The following LRRC57 variants were observed in gnomAD, a reference collection of about 807,000 sequenced individuals.
The protein encoded by LRRC57 is leucine-rich repeat-containing protein 57.
Under a neutral mutation model 23.1 loss-of-function variants are expected in LRRC57, and 14 were observed. That is an observed-to-expected ratio of 0.61 (90% CI 0.40 to 0.95). LRRC57 has a LOEUF of 0.95. LRRC57 is among the 40% of genes least tolerant of loss of function. LRRC57 has a pLI of 0.00. For missense variants in LRRC57, 236 were observed against 284.4 expected (o/e 0.83, Z 1.22); for synonymous variants, 106 against 115.2 (o/e 0.92, Z 0.51).
chr15:42,536,497 T>C (rs1400444735), downstream of LRRC57, among the ~76,000 whole-genome samples: 1 of 152,174 alleles, frequency 6.6e-6, no homozygotes, highest in Non-Finnish European at 1.5e-5. Context: ...AAAGACAACA[T>C]AGCCTCTCCC....
chr15:42,529,150 C>T, the LRRC57 span, among the ~76,000 whole-genome samples: 1 of 152,138 alleles, frequency 6.6e-6, no homozygotes, highest in African/African-American at 2.4e-5. Context: ...TTAAAGCAGG[C>T]ATAAACAATA....
chr15:42,530,368 G>A, the LRRC57 span, among the ~76,000 whole-genome samples: 1 of 152,196 alleles, frequency 6.6e-6, no homozygotes, highest in African/African-American at 2.4e-5. Flanking sequence ...TCATGTGAGT[G>A]AAAGAAAGTT....
chr15:42,547,173 G>T, intron 4 of LRRC57, 88 bp downstream of exon 4: 1 of 1,395,016 alleles, frequency 7.2e-7, no homozygotes, highest in Non-Finnish European at 9.7e-7. Context: ...CTCTATGATG[G>T]CAGTTTAGGA....
At chr15:42,547,066 T>C (rs1226858928) in intron 4 of LRRC57, among the ~76,000 whole-genome samples, 195 bp downstream of exon 4, 3 of 152,164 alleles carry the variant, frequency 2.0e-5, no homozygotes, top group Non-Finnish European at 4.4e-5. Flanking sequence ...CCTACACAAC[T>C]AACACATCCA....
chr15:42,528,522 T>G, the LRRC57 span: 2 of 1,131,872 alleles, frequency 1.8e-6, no homozygotes, highest in South Asian at 1.5e-5. Flanking sequence ...AAATAAAAAT[T>G]GTATTTATTC....
chr15:42,548,079 C>G, intron 3 of LRRC57, 27 bp downstream of exon 3: 4 of 1,612,972 alleles, frequency 2.5e-6, no homozygotes, highest in African/African-American at 1.3e-5. Flanking sequence ...TGATCACTAG[C>G]AAAAGCCTCC....
Position 42,545,070 on chromosome 15 carries a change from T to C in LRRC57, c.678+7A>G. 2 of 1,581,346 alleles carry C rather than the reference T, an allele frequency of 1.3e-6. No individual in the cohort carries two copies. Among genetic ancestry groups the C allele is most frequent in the Non-Finnish European group, 1.7e-6 (2 of 1,165,472 alleles). On this transcript the variant is annotated splice_region_variant and intron_variant, in intron 5 of 5. Coordinates refer to ENST00000397130, the MANE Select transcript of LRRC57 (RefSeq NM_153260.3). ...GACTAGAAATGCAGAAGTACATTAA[T>C]TCATACCTTATCATAGCCTTCCAGT...
downstream of LRRC57, among the ~76,000 whole-genome samples, chr15:42,535,905 C>G (rs1385602952): frequency 6.6e-5 from 10 of 152,038 alleles, no homozygotes; most frequent in African/African-American, 2.4e-5. Context: ...AAGATGAGAC[C>G]GTTTCTACAA....
chr15:42,543,689 G>C lies in LRRC57; in HGVS notation c.*394C>G. 1 of 176,352 alleles carries C rather than the reference G, an allele frequency of 5.7e-6. No homozygotes were observed. The highest frequency in any genetic ancestry group is 6.1e-5 in the Admixed American group (1 of 16,388). The allele number at this position is 176,352 out of a possible 1,614,324, so 10.9% of individuals were successfully genotyped here. ...TTAACACAGAGATGGAATGGCAACA[G>C]ACTTTATGAAAGCTCACACAGTGAA... On this transcript the variant is annotated 3_prime_UTR_variant, in exon 6 of 6. Coordinates refer to ENST00000397130, the MANE Select transcript of LRRC57 (RefSeq NM_153260.3).
rs889303934 is a variant in LRRC57 at position 42,544,133 on chromosome 15, C to CA, written c.679-10dup. On this transcript the variant is annotated splice_polypyrimidine_tract_variant and intron_variant, in intron 5 of 5. Transcript: ENST00000397130. ...GTGAACCTCTCCATGTACTAAAAAA[C>CA]ATGAAAGAATACATAAGGGGTATTT... 3.1e-6 allele frequency: 5 copies of CA among 1,608,594 alleles called. No homozygotes were observed. In the African/African-American group the frequency reaches 4.0e-5, roughly 13 times the overall value.
chr15:42,548,334 G>A lies in LRRC57; in HGVS notation c.84+17C>T. 1.2e-6 allele frequency: 2 copies of A among 1,614,140 alleles called. No homozygotes were observed. The highest frequency in any genetic ancestry group is 1.7e-6 in the Non-Finnish European group (2 of 1,179,964). On this transcript the variant is annotated intron_variant, in intron 2 of 5. Transcript: ENST00000397130. ...CTCTCCCTTTAAGTTCCCTGGTCGTGTCCCTCCCAGTCTCACCTCGGTCAG... is the reference window on the plus strand; with the variant it reads ...CTCTCCCTTTAAGTTCCCTGGTCGTATCCCTCCCAGTCTCACCTCGGTCAG...
At chr15:42,536,973 G>A (rs1391018645), downstream of LRRC57, among the ~76,000 whole-genome samples, 1 of 152,048 alleles carries the variant, frequency 6.6e-6, no homozygotes, top group African/African-American at 2.4e-5. Flanking sequence ...CTATTTCTTT[G>A]CTTCAGTTTT....
intron 4 of LRRC57, among the ~76,000 whole-genome samples, chr15:42,546,807 C>T (rs1042759635): frequency 6.6e-6 from 1 of 152,170 alleles, no homozygotes; most frequent in African/African-American, 2.4e-5. Context: ...CAAAAGGAGA[C>T]ACACTTTGTA....
downstream of LRRC57, among the ~76,000 whole-genome samples, chr15:42,537,653 C>A (rs2057607377): frequency 6.6e-6 from 1 of 152,124 alleles, no homozygotes; most frequent in Non-Finnish European, 1.5e-5. Context: ...GGTCCATCAA[C>A]AGATGAATGG....
chr15:42,542,700 A>G lies in LRRC57; in HGVS notation c.*1383T>C, dbSNP rs1264568065. On this transcript the variant is annotated 3_prime_UTR_variant, in exon 6 of 6. Transcript: ENST00000397130. ...AGACATTATTTCTAACAAATCTTCA[A>G]GAAAATCTTGATTATTAAAGTCCCT... 6.6e-6 allele frequency: 1 copy of G among 152,638 alleles called. No individual in the cohort carries two copies. The highest frequency in any genetic ancestry group is 1.5e-5 in the Non-Finnish European group (1 of 68,040). 9.5% of individuals were successfully genotyped at this position (152,638 alleles called of 1,614,324 possible).
At chr15:42,547,924 C>T (rs1595540789) in intron 3 of LRRC57, 182 bp downstream of exon 3, 1 of 615,950 alleles carries the variant, frequency 1.6e-6, no homozygotes. Flanking sequence ...AACACCCAAT[C>T]ATTATAAGGC....
In LRRC57 at chr15:42,544,840, C is replaced by CTATATATATATATATATATATATATAT. The variant is rs1167773259; in HGVS notation, c.678+236_678+237insATATATATATATATATATATATATATA. Among the ~76,000 whole-genome samples the CTATATATATATATATATATATATATAT allele has an allele frequency of 5.0e-4, 54 of 108,928 alleles. 1 individual carries two copies. Among genetic ancestry groups the CTATATATATATATATATATATATATAT allele is most frequent in the African/African-American group, 2.6e-3 (51 of 19,794 alleles). 71.5% of individuals were successfully genotyped at this position (108,928 alleles called of 152,430 possible). On this transcript the variant is annotated intron_variant, in intron 5 of 5. Coordinates refer to ENST00000397130, the MANE Select transcript of LRRC57 (RefSeq NM_153260.3). ...TCACACACACACACACACACACACA[C>CTATATATATATATATATATATATATAT]ACTATATATATATATATATCAAAAG... is the stretch of plus-strand genomic sequence containing the variant.
intron 3 of LRRC57, chr15:42,547,809 C>T: frequency 1.8e-6 from 1 of 544,890 alleles, no homozygotes; most frequent in Admixed American, 3.5e-5. Flanking sequence ...GAAGATCCTC[C>T]CCTTCTCATC....
chr15:42,529,927 C>T, the LRRC57 span: 1 of 1,198,136 alleles, frequency 8.3e-7, no homozygotes, highest in Non-Finnish European at 1.2e-6. Context: ...AGCTCCTGTC[C>T]TCATAGGTCT....
Sources: gnomAD v4.1 joint callset for allele counts (sites outside exome capture counted in the v4.1 genomes callset) on GRCh38, gnomAD v4.1.1 for gene constraint, MANE v1.5 for transcripts, NCBI Gene and HGNC (gene_info 2026-07-23, HGNC 2026-07-21) for gene names.